The following PCDH7 variants were observed in gnomAD, a reference collection of about 807,000 sequenced individuals.
PCDH7 encodes the protein protocadherin-7.
Under a neutral mutation model 58.9 loss-of-function variants are expected in PCDH7, and 17 were observed. That is an observed-to-expected ratio of 0.29 (90% confidence interval 0.20 to 0.43). The LOEUF is 0.43. PCDH7 is among the 20% of genes least tolerant of loss of function. PCDH7 has a pLI of 1.00. For synonymous variants in PCDH7, 664 were observed against 616.4 expected, an observed-to-expected ratio of 1.08 and a Z score of -1.14; for missense variants, 1,274 against 1,441.0, an observed-to-expected ratio of 0.88 and a Z score of 1.88.
chr4:30,913,140 A>T (rs1307693344), intron 1 of PCDH7, among the ~76,000 whole-genome samples: 1 of 151,672 alleles, frequency 6.6e-6, no homozygotes, highest in Non-Finnish European at 1.5e-5. Flanking sequence ...ATATTTTGCA[A>T]TCATTGTATT....
intron 1 of PCDH7, among the ~76,000 whole-genome samples, chr4:30,778,778 T>C (rs1031108946): frequency 2.0e-5 from 3 of 152,142 alleles, no homozygotes; most frequent in Non-Finnish European, 4.4e-5. Context: ...AGATACTTAG[T>C]CTTTGTTTAA....
At chr4:30,843,385 G>A (rs1253439024) in intron 1 of PCDH7, among the ~76,000 whole-genome samples, 1 of 152,014 alleles carries the variant, frequency 6.6e-6, no homozygotes, top group African/African-American at 2.4e-5. Context: ...GTAGAGACAG[G>A]GTTTCGCCAT....
At chr4:30,832,804 T>C (rs1560416361) in intron 1 of PCDH7, among the ~76,000 whole-genome samples, 1 of 152,148 alleles carries the variant, frequency 6.6e-6, no homozygotes, top group African/African-American at 2.4e-5. Flanking sequence ...AGTCCCTGTC[T>C]AGTGAGTAAG....
At chr4:30,991,231 T>C (rs934333418) in intron 3 of PCDH7, among the ~76,000 whole-genome samples, 3 of 152,172 alleles carry the variant, frequency 2.0e-5, no homozygotes, top group African/African-American at 7.2e-5. Context: ...ATTATGCCAT[T>C]GGCTGAACCT....
chr4:31,045,834 A>G (rs1269045293), intron 3 of PCDH7, among the ~76,000 whole-genome samples: 1 of 151,958 alleles, frequency 6.6e-6, no homozygotes, highest in East Asian at 1.9e-4. Flanking sequence ...TTCGAAGCAC[A>G]CTGATTCTGA....
chr4:31,035,344 A>C (rs6836089), intron 3 of PCDH7, among the ~76,000 whole-genome samples: 93,167 of 147,492 alleles, frequency 0.63, 31,577 homozygotes, highest in African/African-American at 0.9. Context: ...ACCTCTGCTT[A>C]CCGGGTTCAA....
intron 1 of PCDH7, among the ~76,000 whole-genome samples, chr4:30,898,781 C>CG (rs1009197337): frequency 3.7e-4 from 57 of 152,182 alleles, no homozygotes; most frequent in African/African-American, 1.3e-3. Context: ...TTAGTAGAGA[C>CG]GGGGTTTCAC....
intron 1 of PCDH7, among the ~76,000 whole-genome samples, chr4:30,891,397 A>G (rs1160638457): frequency 6.6e-6 from 1 of 152,054 alleles, no homozygotes; most frequent in Non-Finnish European, 1.5e-5. Flanking sequence ...TTTATACATT[A>G]TGTAGAAATA....
chr4:30,961,793 C>G (rs1436508231), intron 3 of PCDH7, among the ~76,000 whole-genome samples: 1 of 152,094 alleles, frequency 6.6e-6, no homozygotes, highest in Non-Finnish European at 1.5e-5. Flanking sequence ...ATTGTTTTTA[C>G]TGCCATCTTT....
chr4:30,790,423 C>T (rs1723967046), intron 1 of PCDH7, among the ~76,000 whole-genome samples: 1 of 152,104 alleles, frequency 6.6e-6, no homozygotes, highest in Non-Finnish European at 1.5e-5. Context: ...ACAGGAGGGC[C>T]TCAGAGCTTT....
intron 1 of PCDH7, among the ~76,000 whole-genome samples, chr4:30,816,262 T>C (rs1447360): frequency 0.59 from 90,308 of 151,978 alleles, 27,714 homozygotes; most frequent in African/African-American, 0.76. Flanking sequence ...TGTTCTCTCT[T>C]GAGTTTTTGT....
In PCDH7 at chr4:30,773,337, A is replaced by C. The variant is rs116090361; in HGVS notation, c.70+48741A>C. Reference sequence around the variant, plus strand: ...CACTTGAAAGTGGTCTCCTTTCTGCAAGGTGTCAGCAATATAAAAGTATGT... The same window carrying C: ...CACTTGAAAGTGGTCTCCTTTCTGCCAGGTGTCAGCAATATAAAAGTATGT... On this transcript the variant is annotated intron_variant, in intron 1 of 3. Transcript: ENST00000509759. Among the ~76,000 whole-genome samples the C allele has an allele frequency of 4.6e-3, 700 of 152,348 alleles. 5 individuals carry two copies. Among genetic ancestry groups the C allele is most frequent in the African/African-American group, 0.016 (662 of 41,584 alleles).
chr4:30,741,683 A>G (rs1339556772), intron 1 of PCDH7, among the ~76,000 whole-genome samples: 1 of 152,214 alleles, frequency 6.6e-6, no homozygotes, highest in Non-Finnish European at 1.5e-5. Flanking sequence ...TAACTCTGGA[A>G]GTTGAATAGT....
chr4:30,799,129 C>T (rs1418815432), intron 1 of PCDH7, among the ~76,000 whole-genome samples: 1 of 152,062 alleles, frequency 6.6e-6, no homozygotes, highest in Non-Finnish European at 1.5e-5. Flanking sequence ...TTTCTTTTTT[C>T]ACCTTTAATT....
At chr4:30,853,542 G>T (rs1406500702) in intron 1 of PCDH7, among the ~76,000 whole-genome samples, 2 of 151,988 alleles carry the variant, frequency 1.3e-5, no homozygotes, top group African/African-American at 4.8e-5. Flanking sequence ...TTAGATCCTA[G>T]GAGGATTCAT....
At chr4:31,006,363 C>A (rs1037871716) in intron 3 of PCDH7, among the ~76,000 whole-genome samples, 1 of 151,848 alleles carries the variant, frequency 6.6e-6, no homozygotes, top group African/African-American at 2.4e-5. Flanking sequence ...GCAGATAAGG[C>A]AAAAATGAAG....
At chr4:30,888,180 T>C (rs1269685095) in intron 1 of PCDH7, among the ~76,000 whole-genome samples, 6 of 152,138 alleles carry the variant, frequency 3.9e-5, no homozygotes, top group African/African-American at 1.4e-4. Context: ...AGCCGGCCCA[T>C]TTCTTTTTAA....
intron 3 of PCDH7, among the ~76,000 whole-genome samples, chr4:31,052,472 T>C (rs73218803): frequency 3.3e-5 from 5 of 152,094 alleles, no homozygotes; most frequent in African/African-American, 1.2e-4. Context: ...AATAATGCAA[T>C]GAATTCAATC....
intron 1 of PCDH7, among the ~76,000 whole-genome samples, chr4:30,887,500 T>A (rs1737979833): frequency 6.6e-6 from 1 of 152,096 alleles, no homozygotes; most frequent in East Asian, 1.9e-4. Context: ...GCCCTCCAAA[T>A]GGAATGGAGG....
Sources: gnomAD v4.1 joint callset for allele counts (sites outside exome capture counted in the v4.1 genomes callset) on GRCh38, gnomAD v4.1.1 for gene constraint, MANE v1.5 for transcripts, NCBI Gene and HGNC (gene_info 2026-07-23, HGNC 2026-07-21) for gene names.